Variants in FBXO11 observed in about 807,000 individuals in gnomAD.
FBXO11 encodes the protein F-box only protein 11.
A neutral mutation model predicts 117.0 loss-of-function variants in FBXO11; 13 were observed. The observed-to-expected ratio is 0.11, with a 90% confidence interval of 0.07 to 0.18. The LOEUF is 0.18. FBXO11 is among the 10% of genes least tolerant of loss of function. The probability of loss-of-function intolerance (pLI) is 1.00; values close to 1 mark genes in which losing one functional copy is unlikely to be tolerated. For missense variants in FBXO11, 767 were observed against 1,164.4 expected (o/e 0.66, Z 4.97); for synonymous variants, 490 against 380.5 (o/e 1.29, Z -3.35).
At chr2:47,888,658 A>C (rs892952316) in intron 1 of FBXO11, 1 of 982,734 alleles carries the variant, frequency 1.0e-6, no homozygotes, top group Non-Finnish European at 1.2e-6. Flanking sequence ...AATAACACTT[A>C]AAATTTCCTG....
intron 16 of FBXO11, among the ~76,000 whole-genome samples, chr2:47,816,976 G>A (rs945267240): frequency 1.3e-5 from 2 of 152,178 alleles, no homozygotes; most frequent in African/African-American, 4.8e-5. Context: ...CTTAACAAGA[G>A]ATCAGCTTGC....
At chr2:47,849,430 GATC>G (rs889537149) in intron 1 of FBXO11, among the ~76,000 whole-genome samples, 4 of 152,016 alleles carry the variant, frequency 2.6e-5, no homozygotes, top group Non-Finnish European at 5.9e-5. Flanking sequence ...GCCACCACAG[GATC>G]ATTATACTTA....
Position 47,808,212 on chromosome 2 carries a change from T to C in FBXO11, c.2690A>G (p.Asn897Ser). The change falls in exon 23 of 23, where the codon AAT becomes AGT. Residue 897 changes from asparagine (N) to serine (S), a missense_variant. Physicochemically the swap from Asn to Ser is conservative, Grantham distance 46. Coordinates refer to ENST00000403359, the MANE Select transcript of FBXO11 (RefSeq NM_001190274.2). The stretch of plus-strand genomic sequence containing the variant: ...AGGCTCACCAGCTAATGTACAAGGA[T>C]TAGACAGTGTTCCAGCACCACAGTC... ...FCDCGAGTLS[N>S]PCTLAGEPTH... 4 of 1,613,446 alleles carry C rather than the reference T, an allele frequency of 2.5e-6. No homozygotes were observed. The highest frequency in any genetic ancestry group is 3.4e-6 in the Non-Finnish European group (4 of 1,179,872).
chr2:47,863,055 CAAAA>C (rs763187950), intron 1 of FBXO11, among the ~76,000 whole-genome samples: 1 of 73,956 alleles, frequency 1.4e-5, no homozygotes, highest in Non-Finnish European at 2.7e-5. Flanking sequence ...AACTGTGTCT[CAAAA>C]AAAAAAAAAA....
intron 1 of FBXO11, among the ~76,000 whole-genome samples, chr2:47,845,540 G>C (rs1397755698): frequency 6.6e-6 from 1 of 152,128 alleles, no homozygotes; most frequent in Non-Finnish European, 1.5e-5. Context: ...GTGATAAGCA[G>C]CAAAACAGAA....
At chr2:47,880,899 A>G (rs998816753) in intron 1 of FBXO11, among the ~76,000 whole-genome samples, 1 of 152,070 alleles carries the variant, frequency 6.6e-6, no homozygotes, top group African/African-American at 2.4e-5. Context: ...TTTGCCTTGA[A>G]TCTAAGCTAA....
intron 11 of FBXO11, among the ~76,000 whole-genome samples, chr2:47,830,269 T>C (rs1672082707): frequency 6.6e-6 from 1 of 151,376 alleles, no homozygotes; most frequent in Non-Finnish European, 1.5e-5. Context: ...AATAGAAAAA[T>C]GTCTACAGAA....
At chr2:47,884,308 C>T (rs1407051034) in intron 1 of FBXO11, among the ~76,000 whole-genome samples, 2 of 152,188 alleles carry the variant, frequency 1.3e-5, no homozygotes, top group East Asian at 1.9e-4. Flanking sequence ...TACAGCTCTA[C>T]TTTCTCTTTT....
rs1414040345 is a variant in FBXO11 at position 47,808,133 on chromosome 2, T to C, written c.2769A>G (p.Thr923=). The C allele has an allele frequency of 1.2e-6, 2 of 1,610,406 alleles. No individual in the cohort carries two copies. Among genetic ancestry groups the C allele is most frequent in the Non-Finnish European group, 1.7e-6 (2 of 1,179,164 alleles). Residue 923 remains threonine, a synonymous_variant, in exon 23 of 23, where the codon ACA becomes ACG. Coordinates refer to ENST00000403359, the MANE Select transcript of FBXO11 (RefSeq NM_001190274.2). ...YDSAPPIESN[T]LQHN is the part of the protein sequence containing the mutation. ...GGGAAGGAATTCAGTTGTGCTGCAA[T>C]GTATTAGATTCTATAGGTGGAGCAG...
At chr2:47,852,163 T>A (rs1219576239) in intron 1 of FBXO11, among the ~76,000 whole-genome samples, 1 of 152,136 alleles carries the variant, frequency 6.6e-6, no homozygotes, top group Non-Finnish European at 1.5e-5. Context: ...CTAATTTTTG[T>A]ATTTTTAGTA....
At position 47,839,055 on chromosome 2, in the gene FBXO11, A is replaced by T; in HGVS notation, c.443-52T>A. On this transcript the variant is annotated intron_variant, in intron 3 of 22. Transcript: ENST00000403359. ...TCATTCGAGCAATAACTTTCTCATT[A>T]TTTAAAGAACACAGTTTTCATTTTA... The T allele has an allele frequency of 2.0e-6, 3 of 1,535,458 alleles. No individual in the cohort carries two copies. The East Asian group carries it at 6.8e-5, about 35-fold the overall frequency.
chr2:47,899,268 C>G (rs1490464644), intron 1 of FBXO11, among the ~76,000 whole-genome samples: 1 of 131,538 alleles, frequency 7.6e-6, no homozygotes, highest in African/African-American at 2.9e-5. Flanking sequence ...AGCAAGACTC[C>G]GTCTCAAAAA....
intron 1 of FBXO11, among the ~76,000 whole-genome samples, chr2:47,892,278 T>A (rs74358016): frequency 0.072 from 11,031 of 152,242 alleles, 564 homozygotes; most frequent in Non-Finnish European, 0.11. Flanking sequence ...AAAAATCAAC[T>A]CGCCACCACC....
chr2:47,895,986 T>C (rs1677634907), intron 1 of FBXO11, among the ~76,000 whole-genome samples: 1 of 152,346 alleles, frequency 6.6e-6, no homozygotes, highest in African/African-American at 2.4e-5. Context: ...TGAGCCACCA[T>C]GCCCAGCCAT....
chr2:47,899,582 A>G (rs1042495409), intron 1 of FBXO11, among the ~76,000 whole-genome samples: 4 of 152,178 alleles, frequency 2.6e-5, no homozygotes, highest in African/African-American at 9.7e-5. Context: ...TCAGATGTGT[A>G]GTCAGGATTA....
At chr2:47,848,873 A>G (rs1673622721) in intron 1 of FBXO11, among the ~76,000 whole-genome samples, 1 of 151,682 alleles carries the variant, frequency 6.6e-6, no homozygotes, top group Non-Finnish European at 1.5e-5. Context: ...AAAGTTTGCA[A>G]AAAATTATAC....
At position 47,832,953 on chromosome 2, in the gene FBXO11, A is replaced by T. The variant is rs1026009507; in HGVS notation, c.1041+11T>A. On this transcript the variant is annotated intron_variant, in intron 8 of 22. Coordinates refer to ENST00000403359, the MANE Select transcript of FBXO11 (RefSeq NM_001190274.2). Reference sequence around the variant, plus strand: ...ATTTCAATGTGTATTTTAAATCTTAACATGTCTTACCCTTATTGTCATATA... The same window carrying T: ...ATTTCAATGTGTATTTTAAATCTTATCATGTCTTACCCTTATTGTCATATA... 5 of 1,606,860 alleles carry T rather than the reference A, an allele frequency of 3.1e-6. No homozygotes were observed. Among genetic ancestry groups the T allele is most frequent in the Non-Finnish European group, 3.4e-6 (4 of 1,173,498 alleles).
At chr2:47,835,230 A>T (rs536507437) in intron 5 of FBXO11, among the ~76,000 whole-genome samples, 19 of 152,358 alleles carry the variant, frequency 1.2e-4, no homozygotes, top group African/African-American at 4.3e-4. Context: ...GTCTCCCGAC[A>T]TCGCCAAATG....
intron 4 of FBXO11, among the ~76,000 whole-genome samples, chr2:47,837,729 T>A (rs1342370499): frequency 2.0e-5 from 3 of 152,178 alleles, no homozygotes; most frequent in Non-Finnish European, 4.4e-5. Context: ...TACAATTTTG[T>A]ACTCTGTTCT....
Sources: gnomAD v4.1 joint callset for allele counts (sites outside exome capture counted in the v4.1 genomes callset) on GRCh38, gnomAD v4.1.1 for gene constraint, MANE v1.5 for transcripts, NCBI Gene and HGNC (gene_info 2026-07-23, HGNC 2026-07-21) for gene names.